Variants in THRB observed in about 807,000 individuals in gnomAD.
THRB encodes thyroid hormone receptor beta, also known as nuclear receptor subfamily 1 group A member 2.
THRB carries 12 observed loss-of-function variants against 47.8 expected under a neutral mutation model. The ratio of observed to expected loss-of-function variants is 0.25; its 90% CI spans 0.16 to 0.41. The LOEUF is 0.41. Among genes scored for constraint, THRB ranks in the 10% least tolerant of loss-of-function variants. The pLI, the probability that THRB is intolerant of heterozygous loss-of-function variation, is 1.00. For missense variants in THRB, 348 were observed against 589.2 expected (o/e 0.59, Z 4.24); for synonymous variants, 218 against 212.2 (o/e 1.03, Z -0.24).
At chr3:24,432,554 G>C (rs939720382) in intron 1 of THRB, among the ~76,000 whole-genome samples, 7 of 152,056 alleles carry the variant, frequency 4.6e-5, no homozygotes, top group Non-Finnish European at 1.0e-4. Context: ...AAAAAATAAA[G>C]AGCTTCCAGG....
At chr3:24,180,588 T>C (rs1559527191) in intron 5 of THRB, among the ~76,000 whole-genome samples, 1 of 152,238 alleles carries the variant, frequency 6.6e-6, no homozygotes, top group Non-Finnish European at 1.5e-5. Flanking sequence ...TTTCTGACTC[T>C]AATCTTACTT....
intron 1 of THRB, among the ~76,000 whole-genome samples, chr3:24,429,527 T>C (rs766788401): frequency 1.3e-5 from 2 of 152,040 alleles, no homozygotes; most frequent in African/African-American, 2.4e-5. Flanking sequence ...AAATCTCCCA[T>C]TGAGCTCTGT....
chr3:24,410,152 A>G (rs1192837493), intron 1 of THRB, among the ~76,000 whole-genome samples: 2 of 151,908 alleles, frequency 1.3e-5, no homozygotes, highest in African/African-American at 4.8e-5. Context: ...AAATTTAGAA[A>G]GCAGTGAGAA....
At chr3:24,149,745 G>A (rs2036633246) in intron 6 of THRB, among the ~76,000 whole-genome samples, 2 of 151,904 alleles carry the variant, frequency 1.3e-5, no homozygotes, top group Non-Finnish European at 2.9e-5. Flanking sequence ...TGTATGATAA[G>A]GAACCACTTC....
intron 2 of THRB, among the ~76,000 whole-genome samples, chr3:24,299,766 C>CTTTTTTTTTTTTGTTTT (rs1360367092): frequency 1.7e-5 from 1 of 58,580 alleles, no homozygotes; most frequent in Non-Finnish European, 3.0e-5. Context: ...GGGAAGTATG[C>CTTTTTTTTTTTTGTTTT]TTTTTTATTT....
At chr3:24,393,147 T>C (rs2066703844) in intron 1 of THRB, among the ~76,000 whole-genome samples, 2 of 152,136 alleles carry the variant, frequency 1.3e-5, no homozygotes, top group Admixed American at 6.6e-5. Context: ...CTATACATTG[T>C]CCTTGGAAGG....
intron 5 of THRB, 147 bp downstream of exon 5, chr3:24,189,927 G>A (rs2043114694): frequency 1.3e-6 from 1 of 751,820 alleles, no homozygotes; most frequent in Admixed American, 2.5e-5. Context: ...AATATTTGAA[G>A]AAAAGGACGC....
chr3:24,223,523 G>A lies in THRB; in HGVS notation c.22+5415C>T, dbSNP rs138902908. On this transcript the variant is annotated intron_variant, in intron 4 of 10. Coordinates refer to ENST00000646209, the MANE Select transcript of THRB (RefSeq NM_001354712.2). Reference sequence around the variant, plus strand: ...ATGGAACCATATTTACAATTTATTTGTAAATGGTTTGAAATAAAAATTAGA... The same window carrying A: ...ATGGAACCATATTTACAATTTATTTATAAATGGTTTGAAATAAAAATTAGA... Among the ~76,000 whole-genome samples the A allele has an allele frequency of 1.0e-2, 1,515 of 152,222 alleles. 6 individuals carry two copies. The highest frequency in any genetic ancestry group is 0.048 in the Middle Eastern group (14 of 294).
chr3:24,154,956 A>C (rs1388367210), intron 5 of THRB, among the ~76,000 whole-genome samples: 1 of 152,212 alleles, frequency 6.6e-6, no homozygotes, highest in African/African-American at 2.4e-5. Flanking sequence ...CTTGTGGGAC[A>C]TGACTTGGGA....
At chr3:24,188,136 C>T (rs1454545435) in intron 5 of THRB, among the ~76,000 whole-genome samples, 1 of 152,208 alleles carries the variant, frequency 6.6e-6, no homozygotes, top group Non-Finnish European at 1.5e-5. Flanking sequence ...CCTGAAGCCT[C>T]ATGTCCTACC....
Position 24,146,689 on chromosome 3 carries a change from C to A in THRB, c.518G>T (p.Gly173Val). ...GATCTACTTACAATCTGTTGCCATGCCAACATAGATGCATTTCTTAAAGCG... is the reference window on the plus strand; with the variant it reads ...GATCTACTTACAATCTGTTGCCATGACAACATAGATGCATTTCTTAAAGCG... ...ECRFKKCIYVGMATDLVLDDS... is the reference protein window; with the variant it reads ...ECRFKKCIYVVMATDLVLDDS... Residue 173 changes from glycine (G) to valine (V), a missense_variant, in exon 7 of 11, where the codon GGC (glycine) becomes GTC (valine). By Grantham distance (109) the Gly-to-Val change is moderately radical (BLOSUM62 -3). Coordinates refer to ENST00000646209, the MANE Select transcript of THRB (RefSeq NM_001354712.2). The A allele has an allele frequency of 6.2e-7, 1 of 1,614,024 alleles. No homozygotes were observed. Among genetic ancestry groups the A allele is most frequent in the Non-Finnish European group, 8.5e-7 (1 of 1,179,908 alleles).
intron 1 of THRB, among the ~76,000 whole-genome samples, chr3:24,398,871 A>G (rs1045068159): frequency 6.6e-6 from 1 of 152,182 alleles, no homozygotes; most frequent in African/African-American, 2.4e-5. Context: ...AATGTGGCAC[A>G]TATACACCAT....
At chr3:24,169,600 G>C (rs1207866978) in intron 5 of THRB, among the ~76,000 whole-genome samples, 1 of 150,980 alleles carries the variant, frequency 6.6e-6, no homozygotes, top group Admixed American at 6.6e-5. Flanking sequence ...AAGATTAAGT[G>C]AGTTTATATA....
At chr3:24,212,573 G>T (rs1305692463) in intron 4 of THRB, among the ~76,000 whole-genome samples, 1 of 70,998 alleles carries the variant, frequency 1.4e-5, no homozygotes, top group South Asian at 6.1e-4. Context: ...GAACGACTCC[G>T]TCTCAAAAAA....
Position 24,325,665 on chromosome 3 carries a change from C to T in THRB, c.-189+11635G>A, listed in dbSNP as rs530553188. On this transcript the variant is annotated intron_variant, in intron 2 of 10. Transcript: ENST00000646209. ...TTATGCCACTGCACTCCAGCCTGGGCGACAGAGTGAGAGACTCTGTCTAAA... is the reference window on the plus strand; with the variant it reads ...TTATGCCACTGCACTCCAGCCTGGGTGACAGAGTGAGAGACTCTGTCTAAA... Among the ~76,000 whole-genome samples the T allele has an allele frequency of 9.2e-5, 14 of 152,148 alleles. No individual in the cohort carries two copies. In the South Asian group the frequency reaches 2.5e-3, roughly 27 times the overall value.
intron 4 of THRB, among the ~76,000 whole-genome samples, chr3:24,220,027 C>T (rs981056500): frequency 1.3e-5 from 2 of 152,204 alleles, no homozygotes; most frequent in Non-Finnish European, 1.5e-5. Context: ...TATTTTTTAA[C>T]AGATCTCCAG....
chr3:24,465,992 G>A (rs1339273956), intron 1 of THRB, among the ~76,000 whole-genome samples: 1 of 152,068 alleles, frequency 6.6e-6, no homozygotes, highest in African/African-American at 2.4e-5. Flanking sequence ...TTTATGAGAA[G>A]GGAGTCTTTA....
chr3:24,444,317 C>T (rs2071850506), intron 1 of THRB, among the ~76,000 whole-genome samples: 1 of 151,974 alleles, frequency 6.6e-6, no homozygotes, highest in Non-Finnish European at 1.5e-5. Context: ...TTATCATTAA[C>T]AAACAGAATC....
chr3:24,394,703 C>A (rs576861390), intron 1 of THRB, among the ~76,000 whole-genome samples: 1 of 152,140 alleles, frequency 6.6e-6, no homozygotes, highest in Non-Finnish European at 1.5e-5. Context: ...CAGCAAGGCA[C>A]TTCCTGACTC....
Sources: gnomAD v4.1 joint callset for allele counts (sites outside exome capture counted in the v4.1 genomes callset) on GRCh38, gnomAD v4.1.1 for gene constraint, MANE v1.5 for transcripts, NCBI Gene and HGNC (gene_info 2026-07-23, HGNC 2026-07-21) for gene names.